Variants in GLI2 observed in about 807,000 individuals in gnomAD.
The protein encoded by GLI2 is GLI family zinc finger 2, also known as transcription activator GLI2.
GLI2 carries 22 observed loss-of-function variants against 78.9 expected under a neutral mutation model. The observed-to-expected ratio is 0.28, with a 90% CI of 0.20 to 0.40. The LOEUF (loss-of-function observed/expected upper bound fraction) is 0.40, where lower values mean the gene tolerates loss of function less well. GLI2 is among the 10% of genes least tolerant of loss of function. The pLI is 1.00. For missense variants in GLI2, 2,097 were observed against 2,213.2 expected (o/e 0.95, Z 1.05); for synonymous variants, 974 against 963.7 (o/e 1.01, Z -0.20).
chr2:120,840,001 G>A (rs188596519), intron 2 of GLI2, among the ~76,000 whole-genome samples: 47 of 152,188 alleles, frequency 3.1e-4, no homozygotes, highest in Non-Finnish European at 6.5e-4. Flanking sequence ...TCTTAGGTGT[G>A]CTTTGACATT....
At chr2:120,877,146 C>T (rs1476768901) in intron 2 of GLI2, among the ~76,000 whole-genome samples, 2 of 152,148 alleles carry the variant, frequency 1.3e-5, no homozygotes, top group East Asian at 3.9e-4. Context: ...CTCCCCTCCT[C>T]CTCCAGCAGG....
chr2:120,926,784 TA>T (rs1023627540), intron 2 of GLI2, among the ~76,000 whole-genome samples: 1 of 152,204 alleles, frequency 6.6e-6, no homozygotes, highest in Non-Finnish European at 1.5e-5. Flanking sequence ...CAAGAATTAA[TA>T]TTAAGAGCTG....
chr2:120,811,620 G>C (rs2104727554), intron 2 of GLI2, among the ~76,000 whole-genome samples: 1 of 152,284 alleles, frequency 6.6e-6, no homozygotes, highest in Non-Finnish European at 1.5e-5. Flanking sequence ...TAGGAGGAGA[G>C]GTGCAGTTGG....
At chr2:120,915,811 G>A (rs1679070125) in intron 2 of GLI2, among the ~76,000 whole-genome samples, 1 of 152,106 alleles carries the variant, frequency 6.6e-6, no homozygotes, top group Non-Finnish European at 1.5e-5. Flanking sequence ...ACAGACCCCT[G>A]GATGCCTTCC....
intron 1 of GLI2, among the ~76,000 whole-genome samples, chr2:120,749,155 C>T (rs537324822): frequency 2.2e-4 from 33 of 152,234 alleles, no homozygotes; most frequent in Non-Finnish European, 4.4e-4. Context: ...CTCATTAATA[C>T]TGCCTTGCCA....
At chr2:120,774,886 C>T (rs892093995) in intron 1 of GLI2, among the ~76,000 whole-genome samples, 3 of 152,210 alleles carry the variant, frequency 2.0e-5, no homozygotes, top group African/African-American at 7.2e-5. Context: ...GTTTGCCAGC[C>T]TTTGCACCCC....
intron 2 of GLI2, among the ~76,000 whole-genome samples, chr2:120,911,909 GGA>G (rs1056052257): frequency 4.7e-4 from 72 of 152,240 alleles, no homozygotes; most frequent in African/African-American, 1.7e-3. Flanking sequence ...CCTGGGGCTG[GGA>G]GAGTCTGTGG....
chr2:120,967,275 C>G (rs989250558), intron 5 of GLI2, among the ~76,000 whole-genome samples: 3 of 152,264 alleles, frequency 2.0e-5, no homozygotes, highest in Non-Finnish European at 2.9e-5. Context: ...TGTGCCCTAC[C>G]ATGGGCCAGG....
intron 3 of GLI2, among the ~76,000 whole-genome samples, chr2:120,950,850 T>G (rs1296213403): frequency 6.6e-6 from 1 of 152,234 alleles, no homozygotes; most frequent in Non-Finnish European, 1.5e-5. Context: ...ATTTTCATAT[T>G]CGTTTTCATA....
At position 120,801,862 on chromosome 2, in the gene GLI2, C is replaced by T. The variant is rs542656816; in HGVS notation, c.148+4394C>T. Among the ~76,000 whole-genome samples the T allele has an allele frequency of 1.4e-3, 209 of 152,348 alleles. 1 individual carries two copies. The highest frequency in any genetic ancestry group is 4.6e-3 in the African/African-American group (193 of 41,590). On this transcript the variant is annotated intron_variant, in intron 2 of 13. Transcript: ENST00000361492. ...CCAAGGCTACCAGCTGCTTCAACCA[C>T]GAGCTGGGCCCGGGGCTTGGGGCTC...
chr2:120,967,601 A>T (rs1176524328), intron 5 of GLI2, among the ~76,000 whole-genome samples: 1 of 152,234 alleles, frequency 6.6e-6, no homozygotes, highest in Admixed American at 6.5e-5. Flanking sequence ...TAGGTGTGCG[A>T]CAGCAGCTGG....
intron 8 of GLI2, 124 bp downstream of exon 8, chr2:120,972,187 C>A: frequency 9.5e-7 from 1 of 1,053,328 alleles, no homozygotes; most frequent in Non-Finnish European, 1.4e-6. Flanking sequence ...AATGAGTGAC[C>A]CAGGGAGGAC....
chr2:120,939,335 T>A (rs1196068622), intron 3 of GLI2, among the ~76,000 whole-genome samples: 1 of 152,006 alleles, frequency 6.6e-6, no homozygotes, highest in Non-Finnish European at 1.5e-5. Flanking sequence ...AATTATGACA[T>A]ATACACCCTT....
rs768131638 is a variant in GLI2, at chr2:120,988,268, A to T, written c.2303A>T (p.Asn768Ile). Residue 768 changes from asparagine (N) to isoleucine (I), a missense_variant, in exon 14 of 14, where the codon AAC (asparagine) becomes ATC (isoleucine). This residue lies in a region of GLI2 where 1,290 missense variants were observed against 1,261.7 expected (regional missense o/e 1.02). Coordinates refer to ENST00000361492, the MANE Select transcript of GLI2 (RefSeq NM_001374353.1). Reference protein sequence around the residue: ...GGGGPAGLLPNPRLSELSASE... With the variant: ...GGGGPAGLLPIPRLSELSASE... Reference sequence around the variant, plus strand: ...GGCGGGCCCGCGGGGCTGCTGCCGAACCCGCGGCTGTCGGAGCTGTCCGCG... The same window carrying T: ...GGCGGGCCCGCGGGGCTGCTGCCGATCCCGCGGCTGTCGGAGCTGTCCGCG... The T allele has an allele frequency of 8.9e-6, 14 of 1,568,964 alleles. No homozygotes were observed. The highest frequency in any genetic ancestry group is 1.2e-5 in the Non-Finnish European group (14 of 1,163,330).
At chr2:120,899,372 TTC>T (rs1212267847) in intron 2 of GLI2, among the ~76,000 whole-genome samples, 2 of 151,644 alleles carry the variant, frequency 1.3e-5, no homozygotes, top group African/African-American at 2.4e-5. Context: ...TATGTTCTTT[TTC>T]TCTCTCATAC....
intron 1 of GLI2, among the ~76,000 whole-genome samples, chr2:120,777,922 G>T (rs536069002): frequency 6.6e-6 from 1 of 152,106 alleles, no homozygotes. Flanking sequence ...GTCAGAGTGG[G>T]AGCACGGAGA....
chr2:120,841,300 C>T (rs944118756), intron 2 of GLI2, among the ~76,000 whole-genome samples: 4 of 152,140 alleles, frequency 2.6e-5, no homozygotes, highest in South Asian at 2.1e-4. Flanking sequence ...CCCTCTTGGA[C>T]GAGGACCAAG....
At chr2:120,870,383 C>T (rs937595823) in intron 2 of GLI2, among the ~76,000 whole-genome samples, 8 of 152,294 alleles carry the variant, frequency 5.3e-5, no homozygotes, top group Non-Finnish European at 7.4e-5. Context: ...AAAACATTCT[C>T]CTCCATTGGA....
At chr2:120,981,004 C>T (rs185292947) in intron 10 of GLI2, among the ~76,000 whole-genome samples, 5 of 152,154 alleles carry the variant, frequency 3.3e-5, no homozygotes, top group South Asian at 2.1e-4. Context: ...CCTCAGCCTC[C>T]GGAGTAGCTG....
Sources: allele counts gnomAD v4.1 joint callset (sites outside exome capture counted in the v4.1 genomes callset), GRCh38; gene constraint gnomAD v4.1.1; regional missense constraint gnomAD v4.1.1; transcripts MANE v1.5; gene names NCBI Gene and HGNC (gene_info 2026-07-23, HGNC 2026-07-21).